The following WARS1 variants were observed in gnomAD, a reference collection of about 807,000 sequenced individuals.
WARS1 encodes the protein tryptophan--tRNA ligase, cytoplasmic.
A neutral mutation model predicts 47.8 loss-of-function variants in WARS1; 17 were observed. The ratio of observed to expected loss-of-function variants is 0.36; its 90% CI spans 0.24 to 0.53. The LOEUF (loss-of-function observed/expected upper bound fraction) is 0.53, where lower values mean the gene tolerates loss of function less well. Among genes scored for constraint, WARS1 ranks in the 20% least tolerant of loss-of-function variants. The pLI is 0.91. For synonymous variants in WARS1, 208 were observed against 228.1 expected, an observed-to-expected ratio of 0.91 and a Z score of 0.79; for missense variants, 434 against 608.0, an observed-to-expected ratio of 0.71 and a Z score of 3.01.
chr14:100,368,382 A>G, intron 2 of WARS1: 1 of 455,790 alleles, frequency 2.2e-6, no homozygotes, highest in Non-Finnish European at 4.4e-6. Context: ...ACCTAACTAC[A>G]ACTGCAATAC....
chr14:100,336,123 AAAAT>A (rs1024604323), intron 10 of WARS1, among the ~76,000 whole-genome samples: 1 of 151,988 alleles, frequency 6.6e-6, no homozygotes, highest in African/African-American at 2.4e-5. Context: ...AAAATACAAA[AAAAT>A]TAGCCGGGCA....
At chr14:100,353,522 A>C (rs185829399) in intron 6 of WARS1, among the ~76,000 whole-genome samples, 165 bp downstream of exon 6, 1 of 152,334 alleles carries the variant, frequency 6.6e-6, no homozygotes, top group Non-Finnish European at 1.5e-5. Context: ...TGCTGGGATT[A>C]CAGGTGTGAG....
At chr14:100,336,726 A>G in intron 10 of WARS1, 1 of 198,086 alleles carries the variant, frequency 5.0e-6, no homozygotes, top group South Asian at 1.5e-4. Context: ...ATCACTGAAA[A>G]TAGTCAATGG....
chr14:100,368,208 G>T (rs1595460848), intron 2 of WARS1, among the ~76,000 whole-genome samples: 1 of 152,310 alleles, frequency 6.6e-6, no homozygotes, highest in East Asian at 1.9e-4. Context: ...ATTATCATTA[G>T]TATCATTGAC....
rs766199305 is a variant in WARS1, at chr14:100,369,114, C to A, written c.72G>T (p.Arg24Ser). The change falls in exon 2 of 11, where the codon AGG (arginine) becomes AGT (serine). Residue 24 changes from arginine to serine, a missense_variant. By Grantham distance (110) the Arg-to-Ser change is moderately radical. Transcript: ENST00000392882. ...NSIATQGELV[R>S]SLKAGNASKD... ...TTGACGCATTTCCCGCTTTGAGGGA[C>A]CTTACGAGCTCCCCTTGTGTGGCGA... The A allele has an allele frequency of 3.2e-6, 5 of 1,570,028 alleles. No homozygotes were observed. Among genetic ancestry groups the A allele is most frequent in the South Asian group, 1.1e-5 (1 of 87,156 alleles).
At chr14:100,346,882 G>A in intron 6 of WARS1, 36 bp from the exon 7 acceptor site, 1 of 1,586,962 alleles carries the variant, frequency 6.3e-7, no homozygotes, top group Non-Finnish European at 8.7e-7. Context: ...CCAAACGGAG[G>A]GCGGCCTTCA....
intron 1 of WARS1, among the ~76,000 whole-genome samples, chr14:100,372,727 C>G (rs1343972195): frequency 2.0e-5 from 3 of 152,210 alleles, no homozygotes; most frequent in Non-Finnish European, 4.4e-5. Context: ...TCCCAACTCT[C>G]AAAGCTGGGT....
At chr14:100,365,718 C>G (rs1338182302) in intron 2 of WARS1, 1 of 177,810 alleles carries the variant, frequency 5.6e-6, no homozygotes, top group Non-Finnish European at 1.1e-5. Flanking sequence ...ACAACAAAAG[C>G]AGAGATCTTC....
chr14:100,347,813 G>C (rs1475521830), intron 6 of WARS1, among the ~76,000 whole-genome samples: 1 of 152,178 alleles, frequency 6.6e-6, no homozygotes, highest in African/African-American at 2.4e-5. Flanking sequence ...CTGACCTCAG[G>C]TGATCCACCT....
chr14:100,372,552 A>T (rs2140102066), intron 1 of WARS1, among the ~76,000 whole-genome samples: 2 of 152,234 alleles, frequency 1.3e-5, no homozygotes, highest in East Asian at 3.9e-4. Flanking sequence ...GGCTAGAGAG[A>T]ACTCTCAGGC....
At chr14:100,339,506 G>T (rs541107066) in intron 9 of WARS1, among the ~76,000 whole-genome samples, 1 of 150,664 alleles carries the variant, frequency 6.6e-6, no homozygotes, top group East Asian at 2.0e-4. Flanking sequence ...CAGGAGAATG[G>T]CGTGAACCTG....
At chr14:100,350,399 G>GAAGAAAA (rs1894894642) in intron 6 of WARS1, among the ~76,000 whole-genome samples, 6 of 112,150 alleles carry the variant, frequency 5.3e-5, no homozygotes, top group Admixed American at 2.2e-4. Flanking sequence ...CTCAAAAAAA[G>GAAGAAAA]AAAAAAAAAA....
chr14:100,334,735 A>G lies in WARS1; in HGVS notation c.*140T>C. ...ACTCACAGGAAGAAACAGTATTGAT[A>G]ACATACACAGGCTTACAGAGGCCAG... On this transcript the variant is annotated 3_prime_UTR_variant, in exon 11 of 11. Transcript: ENST00000392882. 1.1e-6 allele frequency: 1 copy of G among 903,354 alleles called. No individual in the cohort carries two copies. Among genetic ancestry groups the G allele is most frequent in the Non-Finnish European group, 1.7e-6 (1 of 600,066 alleles). 56.0% of individuals were successfully genotyped at this position (903,354 alleles called of 1,614,324 possible).
chr14:100,354,649 A>G lies in WARS1; in HGVS notation c.423-83T>C, dbSNP rs1895198093. 6 of 1,453,392 alleles carry G rather than the reference A, an allele frequency of 4.1e-6. No homozygotes were observed. In the South Asian group the frequency reaches 5.3e-5, roughly 13 times the overall value. The allele number at this position is 1,453,392 out of a possible 1,614,324, so 90.0% of individuals were successfully genotyped here. A position where few individuals can be genotyped will look rare whatever the true frequency, so the allele number is the denominator to read the frequency against. On this transcript the variant is annotated intron_variant, in intron 4 of 10. Transcript: ENST00000392882. ...TAATGCACTTTTGGAAATGGAAAAT[A>G]TAGACAGAGACGAAACAACATGGAT... is the stretch of plus-strand genomic sequence containing the variant.
chr14:100,335,581 T>C (rs953849877), intron 10 of WARS1, among the ~76,000 whole-genome samples: 2 of 152,116 alleles, frequency 1.3e-5, no homozygotes, highest in Non-Finnish European at 1.5e-5. Context: ...TTTCACCATA[T>C]TGGCCAGGCT....
intron 7 of WARS1, among the ~76,000 whole-genome samples, chr14:100,345,872 G>A (rs1033795648): frequency 2.0e-5 from 3 of 152,220 alleles, no homozygotes; most frequent in South Asian, 2.1e-4. Context: ...TTGGGTGAGC[G>A]CAGAGGTTTC....
In WARS1 at chr14:100,334,843, C is replaced by A; in HGVS notation, c.*32G>T. 1 of 1,608,404 alleles carries A rather than the reference C, an allele frequency of 6.2e-7. No homozygotes were observed. The highest frequency in any genetic ancestry group is 8.5e-7 in the Non-Finnish European group (1 of 1,176,140). On this transcript the variant is annotated 3_prime_UTR_variant, in exon 11 of 11. Transcript: ENST00000392882. Reference sequence around the variant, plus strand: ...GATTATTGATACATTACTGATACATCACTTCTTTTATAAGCATATGTAAAA... The same window carrying A: ...GATTATTGATACATTACTGATACATAACTTCTTTTATAAGCATATGTAAAA...
At chr14:100,345,896 C>G (rs1489030011) in intron 7 of WARS1, among the ~76,000 whole-genome samples, 6 of 152,206 alleles carry the variant, frequency 3.9e-5, no homozygotes, top group Admixed American at 1.3e-4. Context: ...GCCCTGGGCA[C>G]GCGGCTGGCC....
chr14:100,348,179 C>A (rs1009723803), intron 6 of WARS1, among the ~76,000 whole-genome samples: 5 of 152,242 alleles, frequency 3.3e-5, no homozygotes, highest in African/African-American at 1.2e-4. Context: ...GGCCCCAAAG[C>A]CTATGCTTTT....
Sources: allele counts gnomAD v4.1 joint callset (sites outside exome capture counted in the v4.1 genomes callset), GRCh38; gene constraint gnomAD v4.1.1; transcripts MANE v1.5; gene names NCBI Gene and HGNC (gene_info 2026-07-23, HGNC 2026-07-21).